CNTNAP4: variants seen among roughly 807,000 people sequenced by gnomAD.
The protein encoded by CNTNAP4 is contactin associated protein family member 4, also known as contactin-associated protein-like 4.
A neutral mutation model predicts 148.4 loss-of-function variants in CNTNAP4; 98 were observed. The observed-to-expected ratio is 0.66, with a 90% CI of 0.56 to 0.78. The LOEUF (loss-of-function observed/expected upper bound fraction) is 0.78, where lower values mean the gene tolerates loss of function less well. Among genes scored for constraint, CNTNAP4 ranks in the 30% least tolerant of loss-of-function variants. The pLI, the probability that CNTNAP4 is intolerant of heterozygous loss-of-function variation, is 0.00. For synonymous variants in CNTNAP4, 730 were observed against 565.1 expected, an observed-to-expected ratio of 1.29 and a Z score of -4.14; for missense variants, 1,935 against 1,565.6, an observed-to-expected ratio of 1.24 and a Z score of -3.98.
At chr16:76,537,956 T>A (rs12598516) in intron 18 of CNTNAP4, among the ~76,000 whole-genome samples, 160 bp from the exon 19 acceptor site, 112,171 of 151,920 alleles carry the variant, frequency 0.74, 41,669 homozygotes, top group East Asian at 0.93. Context: ...AAAGATCATT[T>A]TGAAAGCTCT....
intron 2 of CNTNAP4, among the ~76,000 whole-genome samples, chr16:76,344,053 C>T (rs921237437): frequency 3.3e-5 from 5 of 152,146 alleles, no homozygotes; most frequent in African/African-American, 9.7e-5. Context: ...TGAATGCATG[C>T]ATAGGGGAAT....
chr16:76,423,495 A>G (rs2079266122), intron 3 of CNTNAP4, among the ~76,000 whole-genome samples: 2 of 152,162 alleles, frequency 1.3e-5, no homozygotes, highest in Admixed American at 1.3e-4. Context: ...TAATAAAATT[A>G]TTATTTTTGA....
chr16:76,416,550 A>G (rs2078990327), intron 3 of CNTNAP4, among the ~76,000 whole-genome samples: 1 of 151,212 alleles, frequency 6.6e-6, no homozygotes, highest in Non-Finnish European at 1.5e-5. Context: ...GGAACTTTCT[A>G]GTTATTTTTC....
intron 3 of CNTNAP4, among the ~76,000 whole-genome samples, chr16:76,371,206 T>C (rs933239152): frequency 1.3e-5 from 2 of 152,192 alleles, no homozygotes; most frequent in African/African-American, 4.8e-5. Context: ...ACATCAAACA[T>C]CTTACACATG....
intron 3 of CNTNAP4, among the ~76,000 whole-genome samples, chr16:76,381,137 G>A (rs988426186): frequency 6.6e-6 from 1 of 152,124 alleles, no homozygotes; most frequent in African/African-American, 2.4e-5. Context: ...TCTTCCTCTA[G>A]ATAGATTGAA....
At chr16:76,558,331 T>C (rs573646299) in intron 23 of CNTNAP4, 159 bp from the exon 24 acceptor site, 161 of 553,760 alleles carry the variant, frequency 2.9e-4, no homozygotes, top group Admixed American at 1.4e-3. Flanking sequence ...ACAATAATAC[T>C]GCTTGAGCCA....
chr16:76,514,122 C>T (rs1234749115), intron 15 of CNTNAP4, among the ~76,000 whole-genome samples: 2 of 152,148 alleles, frequency 1.3e-5, no homozygotes, highest in Non-Finnish European at 2.9e-5. Context: ...TAGGTTACTT[C>T]AAATAGAATA....
Position 76,440,936 on chromosome 16 carries a change from A to C in CNTNAP4, c.539-7076A>C, listed in dbSNP as rs182468463. Reference sequence around the variant, plus strand: ...AGGGCTAGGATGCAGGGGTGGGGAGAAGATACCAGGAAAACTGGAATATAT... The same window carrying C: ...AGGGCTAGGATGCAGGGGTGGGGAGCAGATACCAGGAAAACTGGAATATAT... On this transcript the variant is annotated intron_variant, in intron 4 of 23. Coordinates refer to ENST00000611870, the MANE Select transcript of CNTNAP4 (RefSeq NM_033401.5). 1.3e-3 allele frequency among the ~76,000 whole-genome samples: 202 copies of C among 152,222 alleles called. 1 individual carries two copies. Among genetic ancestry groups the C allele is most frequent in the African/African-American group, 4.6e-3 (190 of 41,546 alleles).
In CNTNAP4 at chr16:76,277,686, C is replaced by A; in HGVS notation, c.24C>A (p.Val8=). The change falls in exon 1 of 24, where the codon GTC becomes GTA. Residue 8 remains valine, a synonymous_variant. Transcript: ENST00000611870. ...ACATGGGATCTGTCACGGGAGCTGT[C>A]CTCAAGACGCTACTTCTGTTATCTA... MGSVTGA[V]LKTLLLLSTQ... 6.2e-7 allele frequency: 1 copy of A among 1,605,830 alleles called. No homozygotes were observed. Among genetic ancestry groups the A allele is most frequent in the Non-Finnish European group, 8.5e-7 (1 of 1,175,832 alleles).
At chr16:76,496,845 CA>C (rs1228200542) in intron 14 of CNTNAP4, among the ~76,000 whole-genome samples, 4 of 152,100 alleles carry the variant, frequency 2.6e-5, no homozygotes, top group Admixed American at 1.3e-4. Flanking sequence ...TATTACAAAC[CA>C]ACCTTGGGGT....
At chr16:76,385,445 G>T (rs1384949826) in intron 3 of CNTNAP4, among the ~76,000 whole-genome samples, 1 of 151,934 alleles carries the variant, frequency 6.6e-6, no homozygotes. Context: ...TATAAAAATA[G>T]AAACAACTGT....
rs188488539 is a variant in CNTNAP4 at position 76,475,497 on chromosome 16, A to T, written c.1656-442A>T. ...GTGAGCCTATACTGTGTATTCTCCT[A>T]CATTCCTAGAAGTATACCTCAAGTG... On this transcript the variant is annotated intron_variant, in intron 10 of 23. Coordinates refer to ENST00000611870, the MANE Select transcript of CNTNAP4 (RefSeq NM_033401.5). 2.1e-3 allele frequency among the ~76,000 whole-genome samples: 320 copies of T among 152,284 alleles called. 10 individuals are homozygous for T. The highest frequency in any genetic ancestry group is 2.8e-4 in the Non-Finnish European group (19 of 68,022).
intron 4 of CNTNAP4, among the ~76,000 whole-genome samples, chr16:76,428,456 T>TACTAAAGC (rs916918253): frequency 1.3e-5 from 2 of 151,904 alleles, no homozygotes; most frequent in Non-Finnish European, 2.9e-5. Context: ...TATTTTTAGC[T>TACTAAAGC]ACTAAAGCTT....
chr16:76,551,402 A>T (rs867118988), intron 21 of CNTNAP4, among the ~76,000 whole-genome samples: 1,111 of 72,032 alleles, frequency 0.015, 15 homozygotes, highest in African/African-American at 0.041. Context: ...TGTTAAAAAA[A>T]AAATATATAT....
At chr16:76,346,432 T>TTAA (rs763025856) in intron 2 of CNTNAP4, among the ~76,000 whole-genome samples, 2 of 123,772 alleles carry the variant, frequency 1.6e-5, no homozygotes, top group Non-Finnish European at 3.3e-5. Context: ...CTAGGGAAGA[T>TTAA]AAAAAAAAAA....
chr16:76,476,573 A>G (rs1227897766), intron 11 of CNTNAP4, among the ~76,000 whole-genome samples: 2 of 152,164 alleles, frequency 1.3e-5, no homozygotes, highest in African/African-American at 2.4e-5. Flanking sequence ...GCAGAAATGT[A>G]TTTCTCACCA....
At chr16:76,338,533 T>G (rs1331410981) in intron 2 of CNTNAP4, among the ~76,000 whole-genome samples, 2 of 152,158 alleles carry the variant, frequency 1.3e-5, no homozygotes, top group Non-Finnish European at 2.9e-5. Flanking sequence ...CCAAGTGAAA[T>G]GTTTCTGCTT....
At chr16:76,520,652 C>T (rs2144096173) in intron 15 of CNTNAP4, among the ~76,000 whole-genome samples, 1 of 152,212 alleles carries the variant, frequency 6.6e-6, no homozygotes, top group Admixed American at 6.5e-5. Context: ...TAGAAAATCA[C>T]AAGGCCCATT....
At chr16:76,532,713 A>C (rs1440946839) in intron 17 of CNTNAP4, among the ~76,000 whole-genome samples, 1 of 152,204 alleles carries the variant, frequency 6.6e-6, no homozygotes, top group East Asian at 1.9e-4. Context: ...GCCAAAGTGA[A>C]AACCAAGATG....
Sources: gnomAD v4.1 joint callset for allele counts (sites outside exome capture counted in the v4.1 genomes callset) on GRCh38, gnomAD v4.1.1 for gene constraint, MANE v1.5 for transcripts, NCBI Gene and HGNC (gene_info 2026-07-23, HGNC 2026-07-21) for gene names.